Variants in RFC1 observed in about 807,000 individuals in gnomAD.
RFC1 encodes the protein A1 140 kDa subunit.
In RFC1, 37 loss-of-function variants were observed where a neutral mutation model predicts 137.4. The observed-to-expected ratio is 0.27, with a 90% confidence interval of 0.21 to 0.35. RFC1 has a LOEUF of 0.35. RFC1 is among the 10% of genes least tolerant of loss of function. The probability of loss-of-function intolerance (pLI) is 1.00; values close to 1 mark genes in which losing one functional copy is unlikely to be tolerated. For missense variants in RFC1, 1,205 were observed against 1,358.5 expected (o/e 0.89, Z 1.78); for synonymous variants, 429 against 455.7 (o/e 0.94, Z 0.75).
chr4:39,312,834 C>T lies in RFC1; in HGVS notation c.1301G>A (p.Gly434Glu). 6.2e-7 allele frequency: 1 copy of T among 1,614,090 alleles called. No homozygotes were observed. The highest frequency in any genetic ancestry group is 8.5e-7 in the Non-Finnish European group (1 of 1,180,008). Residue 434 changes from glycine to glutamate, a missense_variant, in exon 11 of 25, where the codon GGG (glycine) becomes GAG (glutamate). Transcript: ENST00000349703. ...DEAKSLIERY[G>E]GKVTGNVSKK... ...GCTGACATTTCCTGTTACTTTTCCC[C>T]CATAACGTTCAATTAGAGACTTGGC... is the stretch of plus-strand genomic sequence containing the variant.
chr4:39,314,266 TG>T (rs912009066), intron 10 of RFC1, among the ~76,000 whole-genome samples: 1 of 152,190 alleles, frequency 6.6e-6, no homozygotes, highest in African/African-American at 2.4e-5. Context: ...AATGATCTAC[TG>T]TAACACTACA....
chr4:39,304,899 A>C lies in RFC1; in HGVS notation c.2025T>G (p.Asn675Lys). The C allele has an allele frequency of 6.2e-7, 1 of 1,612,864 alleles. No individual in the cohort carries two copies. The highest frequency in any genetic ancestry group is 8.5e-7 in the Non-Finnish European group (1 of 1,178,862). The change falls in exon 15 of 25, where the codon AAT (asparagine) becomes AAG (lysine). Residue 675 changes from asparagine to lysine, a missense_variant. Around this residue, in one of 3 missense-constraint regions of RFC1, gnomAD observed 962 missense variants for 1,035.3 expected, o/e 0.93. Coordinates refer to ENST00000349703, the MANE Select transcript of RFC1 (RefSeq NM_002913.5). ...TGCTCTTACTCCGGGTGTCACTTGC[A>C]TTCAGTTCCACGTAGCTGTATCCCA... ...QELGYSYVEL[N>K]ASDTRSKSSL... is the part of the protein sequence containing the mutation.
In RFC1 at chr4:39,312,759, C is replaced by T. The variant is rs1381747027; in HGVS notation, c.1376G>A (p.Ser459Asn). ...GAACAAAGCAGTACCCACCTTATCA[C>T]TCTTGGACTGTCCACTATCACGACC... is the stretch of plus-strand genomic sequence containing the variant. ...VMGRDSGQSK[S>N]DKAAALGTKI... The change falls in exon 11 of 25, where the codon AGT becomes AAT. Residue 459 changes from serine to asparagine, a missense_variant. Physicochemically the swap from Ser to Asn is conservative, Grantham distance 46 (BLOSUM62 1). Transcript: ENST00000349703. 6.2e-7 allele frequency: 1 copy of T among 1,614,006 alleles called. No individual in the cohort carries two copies. The highest frequency in any genetic ancestry group is 1.1e-5 in the South Asian group (1 of 91,068).
chr4:39,319,576 A>G (rs1003347494), intron 9 of RFC1, among the ~76,000 whole-genome samples: 2 of 152,244 alleles, frequency 1.3e-5, no homozygotes, highest in African/African-American at 2.4e-5. Context: ...CAGCTTCTAA[A>G]TAAGATATCT....
At chr4:39,322,001 T>C (rs988186571) in intron 7 of RFC1, among the ~76,000 whole-genome samples, 4 of 152,178 alleles carry the variant, frequency 2.6e-5, no homozygotes, top group African/African-American at 9.7e-5. Flanking sequence ...ACTCTCTGCT[T>C]TAAAGAAGTA....
chr4:39,354,772 A>C (rs2109765863), intron 1 of RFC1, among the ~76,000 whole-genome samples: 1 of 148,482 alleles, frequency 6.7e-6, no homozygotes, highest in Admixed American at 6.6e-5. Flanking sequence ...AAAAAAAAAA[A>C]AGCAACTAAC....
intron 22 of RFC1, among the ~76,000 whole-genome samples, chr4:39,295,336 T>C (rs17335473): frequency 0.016 from 2,487 of 152,296 alleles, 55 homozygotes; most frequent in African/African-American, 0.057. Context: ...ACAGTAACAG[T>C]GCCACCTCAG....
intron 14 of RFC1, 120 bp from the exon 15 acceptor site, chr4:39,305,048 A>G (rs767996418): frequency 1.4e-6 from 1 of 701,986 alleles, no homozygotes; most frequent in Non-Finnish European, 2.6e-6. Flanking sequence ...CCATAGGTAA[A>G]GTATAAAGTA....
chr4:39,320,703 T>C (rs773475962), intron 8 of RFC1, 34 bp from the exon 9 acceptor site: 15 of 1,531,120 alleles, frequency 9.8e-6, no homozygotes, highest in Middle Eastern at 3.6e-4. Context: ...GTTGTTGTTT[T>C]TGGAAAATGA....
chr4:39,350,556 A>G (rs1318638887), intron 2 of RFC1, among the ~76,000 whole-genome samples: 1 of 151,938 alleles, frequency 6.6e-6, no homozygotes, highest in African/African-American at 2.4e-5. Context: ...CAGATAAACT[A>G]GAAGCCAAAA....
At position 39,302,552 on chromosome 4, in the gene RFC1, G is replaced by A. The variant is rs144320551; in HGVS notation, c.2384C>T (p.Pro795Leu). The change falls in exon 18 of 25, where the codon CCC (proline) becomes CTC (leucine). Residue 795 changes from proline to leucine, a missense_variant. Physicochemically the swap from Pro to Leu is moderately conservative, Grantham distance 98. Around this residue, in one of 3 missense-constraint regions of RFC1, gnomAD observed 962 missense variants for 1,035.3 expected, o/e 0.93. Coordinates refer to ENST00000349703, the MANE Select transcript of RFC1 (RefSeq NM_002913.5). The stretch of plus-strand genomic sequence containing the variant: ...AATTATTTCATTCATAGCTGGAGGG[G>A]GAATCTTTAAACCTTCTTTAAATGC... ...SIAFKEGLKI[P>L]PPAMNEIILG... The A allele has an allele frequency of 1.2e-6, 2 of 1,611,734 alleles. No homozygotes were observed. Among genetic ancestry groups the A allele is most frequent in the South Asian group, 2.2e-5 (2 of 90,776 alleles).
intron 1 of RFC1, among the ~76,000 whole-genome samples, chr4:39,364,480 AAG>A (rs1387383367): frequency 2.3e-4 from 35 of 152,298 alleles, no homozygotes; most frequent in Admixed American, 9.1e-4. Context: ...CTTTTCTGAG[AAG>A]AGGTCTATTT....
At chr4:39,292,615 ATTATTTATTTATTTATTTAT>A (rs58733449) in intron 22 of RFC1, among the ~76,000 whole-genome samples, 18 of 143,980 alleles carry the variant, frequency 1.3e-4, no homozygotes, top group Admixed American at 1.1e-3. Context: ...ATATGTATAC[ATTATTTATTTATTTATTTAT>A]TTATTTATTT....
At chr4:39,310,073 G>A (rs1195078364) in intron 12 of RFC1, among the ~76,000 whole-genome samples, 1 of 152,150 alleles carries the variant, frequency 6.6e-6, no homozygotes, top group Non-Finnish European at 1.5e-5. Context: ...TTGACATCCT[G>A]TATCTATGAT....
chr4:39,296,616 T>C (rs1276446899), intron 21 of RFC1, among the ~76,000 whole-genome samples: 2 of 151,670 alleles, frequency 1.3e-5, no homozygotes, highest in Admixed American at 6.6e-5. Context: ...TATTCCATGG[T>C]ATATATGTGC....
chr4:39,307,976 T>C (rs1220152689), intron 13 of RFC1, among the ~76,000 whole-genome samples: 5 of 152,052 alleles, frequency 3.3e-5, no homozygotes, highest in Admixed American at 6.6e-5. Flanking sequence ...GTTAAGAAAA[T>C]ACTTTGGACA....
chr4:39,333,122 C>T (rs1740183685), intron 4 of RFC1, among the ~76,000 whole-genome samples: 1 of 152,184 alleles, frequency 6.6e-6, no homozygotes, highest in African/African-American at 2.4e-5. Flanking sequence ...TTTAATTAAC[C>T]ATCTGGGTTT....
intron 1 of RFC1, among the ~76,000 whole-genome samples, chr4:39,354,534 AG>A (rs1483182179): frequency 6.6e-6 from 1 of 152,190 alleles, no homozygotes; most frequent in Non-Finnish European, 1.5e-5. Flanking sequence ...GGCAAGTAGA[AG>A]TCCCTCAAAG....
intron 1 of RFC1, chr4:39,356,000 C>CAAA (rs34018537): frequency 0.016 from 1,353 of 84,320 alleles, 41 homozygotes; most frequent in African/African-American, 0.041. Context: ...GACTTCACCT[C>CAAA]AAAAAAAAAA....
Sources: allele counts gnomAD v4.1 joint callset (sites outside exome capture counted in the v4.1 genomes callset), GRCh38; gene constraint gnomAD v4.1.1; regional missense constraint gnomAD v4.1.1; transcripts MANE v1.5; gene names NCBI Gene and HGNC (gene_info 2026-07-23, HGNC 2026-07-21).